Variants in CLRN1 observed in about 807,000 individuals in gnomAD.
The protein encoded by CLRN1 is clarin-1.
CLRN1 carries 15 observed loss-of-function variants against 18.7 expected under a neutral mutation model. That is an observed-to-expected ratio of 0.80 (90% confidence interval 0.54 to 1.23). The LOEUF (loss-of-function observed/expected upper bound fraction) is 1.23, where lower values mean the gene tolerates loss of function less well. CLRN1 is among the 50% of genes most tolerant of loss of function. The pLI is 0.00. For synonymous variants in CLRN1, 104 were observed against 102.9 expected (o/e 1.01, Z -0.07); for missense variants, 311 against 277.5 (o/e 1.12, Z -0.86).
chr3:150,949,724 T>G (rs369904807), intron 1 of CLRN1, among the ~76,000 whole-genome samples: 11 of 152,244 alleles, frequency 7.2e-5, no homozygotes, highest in East Asian at 5.8e-4. Context: ...AAACATCCCA[T>G]GCTCATGGAT....
intron 2 of CLRN1, among the ~76,000 whole-genome samples, chr3:150,940,978 G>A (rs985999458): frequency 7.9e-5 from 12 of 151,860 alleles, no homozygotes; most frequent in Non-Finnish European, 1.8e-4. Flanking sequence ...ACTCTTTTTT[G>A]ATGCCATTTA....
chr3:150,934,316 T>A (rs6786324), intron 2 of CLRN1, among the ~76,000 whole-genome samples: 39,719 of 152,100 alleles, frequency 0.26, 5,312 homozygotes, highest in South Asian at 0.39. Flanking sequence ...AGCGTCCTCT[T>A]TTTAAAGAAA....
At position 150,927,653 on chromosome 3, in the gene CLRN1, CACACACAT is replaced by C; in HGVS notation, c.*275_*282del. The C allele has an allele frequency of 1.8e-6, 1 of 571,230 alleles. No individual in the cohort carries two copies. Among genetic ancestry groups the C allele is most frequent in the East Asian group, 4.0e-5 (1 of 25,034 alleles). The allele number at this position is 571,230 out of a possible 1,614,324, so 35.4% of individuals were successfully genotyped here. On this transcript the variant is annotated 3_prime_UTR_variant, in exon 3 of 3. Coordinates refer to ENST00000327047, the MANE Select transcript of CLRN1 (RefSeq NM_174878.3). ...TCTTACACACACACACACACACACA[CACACACAT>C]ATATATATATGGAGTAACAATTTGT...
At chr3:150,932,976 C>G (rs990951365) in intron 2 of CLRN1, among the ~76,000 whole-genome samples, 4 of 152,166 alleles carry the variant, frequency 2.6e-5, no homozygotes, top group African/African-American at 9.7e-5. Context: ...GAGCCCATAT[C>G]TAACCTAAGT....
chr3:150,960,670 A>G (rs1250403317), intron 1 of CLRN1, among the ~76,000 whole-genome samples: 1 of 152,212 alleles, frequency 6.6e-6, no homozygotes, highest in Non-Finnish European at 1.5e-5. Flanking sequence ...TGGCTGGTCT[A>G]AAATGATCTT....
Position 150,972,465 on chromosome 3 carries a change from G to C in CLRN1, c.244C>G (p.Arg82Gly), listed in dbSNP as rs1013290166. ...TGCAATTGCTACTTACATGAGAACC[G>C]AAAGGGCCTTGCTCCCAACCCACAC... Reference protein sequence around the residue: ...RQCGLGARPFRFSFFPDLLKA... With the variant: ...RQCGLGARPFGFSFFPDLLKA... The change falls in exon 1 of 3, where the codon CGG becomes GGG. Residue 82 changes from arginine (R) to glycine (G), a missense_variant. Physicochemically the swap from Arg to Gly is moderately radical, Grantham distance 125. Transcript: ENST00000327047. 4 of 1,613,950 alleles carry C rather than the reference G, an allele frequency of 2.5e-6. No homozygotes were observed. In the African/African-American group the frequency reaches 4.0e-5, roughly 16 times the overall value.
At chr3:150,961,840 C>T (rs1202508171) in intron 1 of CLRN1, among the ~76,000 whole-genome samples, 5 of 152,168 alleles carry the variant, frequency 3.3e-5, no homozygotes, top group Non-Finnish European at 5.9e-5. Flanking sequence ...GCATTCATCT[C>T]CTTTAATATC....
In CLRN1 at chr3:150,972,565, A is replaced by C. The variant is rs111033258; in HGVS notation, c.144T>G (p.Asn48Lys). The C allele has an allele frequency of 1.4e-4, 222 of 1,614,134 alleles. 1 individual carries two copies. The highest frequency in any genetic ancestry group is 2.2e-5 in the Non-Finnish European group (26 of 1,180,060). Residue 48 changes from asparagine (N) to lysine (K), a missense_variant, in exon 1 of 3, where the codon AAT becomes AAG. Transcript: ENST00000327047. ...ACTTGTCCAGCTCCTGCCCTGAGGC[A>C]TTGACGAGCAGAGCTCCCGTTTTGC... is the stretch of plus-strand genomic sequence containing the variant. ...VLCKTGALLV[N>K]ASGQELDKFM...
chr3:150,958,115 G>T (rs1714845368), intron 1 of CLRN1, among the ~76,000 whole-genome samples: 1 of 152,090 alleles, frequency 6.6e-6, no homozygotes, highest in South Asian at 2.1e-4. Flanking sequence ...GGACATCTCT[G>T]GTTGATGTTC....
At chr3:150,946,932 GTTCGCCTTCCTCTGTCC>G (rs1714209784) in intron 1 of CLRN1, among the ~76,000 whole-genome samples, 2 of 131,560 alleles carry the variant, frequency 1.5e-5, no homozygotes, top group East Asian at 4.6e-4. Context: ...ACAGTGTGAG[GTTCGCCTTCCTCTGTCC>G]ATGTGATCTC....
At chr3:150,949,216 A>G (rs1232821100) in intron 1 of CLRN1, among the ~76,000 whole-genome samples, 1 of 152,204 alleles carries the variant, frequency 6.6e-6, no homozygotes, top group African/African-American at 2.4e-5. Context: ...CCTCAAAATA[A>G]TAATAGCCAT....
intron 1 of CLRN1, chr3:150,943,970 A>G: frequency 6.7e-7 from 1 of 1,497,514 alleles, no homozygotes; most frequent in East Asian, 2.4e-5. Context: ...TGGGAGTCCC[A>G]TGAAGGGGTC....
Position 150,927,060 on chromosome 3 carries a change from T to C in CLRN1, c.*876A>G, listed in dbSNP as rs1339173322. ...AGAAAAACAGCCCCTAATAAGTCATTTTGCATCAAATGTACTAAGCAGAGA... is the reference window on the plus strand; with the variant it reads ...AGAAAAACAGCCCCTAATAAGTCATCTTGCATCAAATGTACTAAGCAGAGA... On this transcript the variant is annotated 3_prime_UTR_variant, in exon 3 of 3. Transcript: ENST00000327047. The C allele has an allele frequency of 1.0e-6, 1 of 1,001,550 alleles. No homozygotes were observed. Among genetic ancestry groups the C allele is most frequent in the African/African-American group, 1.6e-5 (1 of 62,594 alleles). 62.0% of individuals were successfully genotyped at this position (1,001,550 alleles called of 1,614,324 possible).
At chr3:150,933,167 C>CA (rs1713251883) in intron 2 of CLRN1, among the ~76,000 whole-genome samples, 1 of 152,206 alleles carries the variant, frequency 6.6e-6, no homozygotes, top group East Asian at 1.9e-4. Context: ...ACTTATTCAA[C>CA]AACTATTTAT....
intron 1 of CLRN1, among the ~76,000 whole-genome samples, chr3:150,943,298 T>C (rs1713965128): frequency 6.6e-6 from 1 of 152,194 alleles, no homozygotes; most frequent in Admixed American, 6.5e-5. Context: ...TGGTTCTTTA[T>C]GAATAATGTC....
intron 2 of CLRN1, among the ~76,000 whole-genome samples, chr3:150,932,635 G>A (rs1173593701): frequency 6.6e-6 from 1 of 152,196 alleles, no homozygotes; most frequent in Non-Finnish European, 1.5e-5. Context: ...ATAAATAGGT[G>A]TGGGAAAGCC....
intron 1 of CLRN1, among the ~76,000 whole-genome samples, chr3:150,969,064 T>C (rs1576648862): frequency 1.3e-5 from 2 of 151,356 alleles, no homozygotes; most frequent in South Asian, 2.1e-4. Flanking sequence ...CTGAATTAGA[T>C]GTAATGTAAA....
At chr3:150,965,734 G>A (rs1056235762) in intron 1 of CLRN1, among the ~76,000 whole-genome samples, 5 of 152,148 alleles carry the variant, frequency 3.3e-5, no homozygotes, top group African/African-American at 7.2e-5. Flanking sequence ...AGGTATGCTC[G>A]GGTCAATGAT....
At chr3:150,955,302 T>C (rs550930078) in intron 1 of CLRN1, among the ~76,000 whole-genome samples, 1 of 152,282 alleles carries the variant, frequency 6.6e-6, no homozygotes, top group South Asian at 2.1e-4. Context: ...GTGTTCTATA[T>C]CTTTGTTGTG....
Sources: allele counts gnomAD v4.1 joint callset (sites outside exome capture counted in the v4.1 genomes callset), GRCh38; gene constraint gnomAD v4.1.1; transcripts MANE v1.5; gene names NCBI Gene and HGNC (gene_info 2026-07-23, HGNC 2026-07-21).